The following NRAP variants were observed in gnomAD, a reference collection of about 807,000 sequenced individuals.
The protein encoded by NRAP is nebulin-related-anchoring protein.
NRAP carries 189 observed loss-of-function variants against 225.9 expected under a neutral mutation model. The observed-to-expected ratio is 0.84, with a 90% CI of 0.74 to 0.94. The LOEUF is 0.94. Ranked by LOEUF, NRAP falls within the 40% of genes least tolerant of loss-of-function variation. The pLI is 0.00. For missense variants in NRAP, 2,176 were observed against 2,168.7 expected (o/e 1.00, Z -0.07); for synonymous variants, 769 against 790.7 (o/e 0.97, Z 0.46).
At chr10:113,595,597 G>T in intron 38 of NRAP, 26 bp downstream of exon 38, 2 of 1,443,960 alleles carry the variant, frequency 1.4e-6, no homozygotes, top group Non-Finnish European at 1.9e-6. Flanking sequence ...GTGGGCACAC[G>T]TTCCATGAAC....
At position 113,622,033 on chromosome 10, in the gene NRAP, AT is replaced by A; in HGVS notation, c.2604del (p.Lys868AsnfsTer22). On this transcript the variant is annotated frameshift_variant, in exon 24 of 42. Coordinates refer to ENST00000359988, the MANE Select transcript of NRAP (RefSeq NM_198060.4). LOFTEE classifies it high-confidence loss of function. Reference sequence around the variant, plus strand: ...ATGTCCAGGGAGACGTGGCATTGGGATTTGGTGTCCTCGAATCCCTTCTTGT... The same window carrying A: ...ATGTCCAGGGAGACGTGGCATTGGGATTGGTGTCCTCGAATCCCTTCTTGT... The part of the protein sequence containing the change: ...LEYKKGFEDT[K>X]SQCHVSLDMV... The A allele has an allele frequency of 6.2e-7, 1 of 1,614,164 alleles. No homozygotes were observed. Among genetic ancestry groups the A allele is most frequent in the Non-Finnish European group, 8.5e-7 (1 of 1,180,014 alleles).
intron 37 of NRAP, 37 bp from the exon 38 acceptor site, chr10:113,595,764 G>T: frequency 7.0e-7 from 1 of 1,418,952 alleles, no homozygotes; most frequent in Non-Finnish European, 1.0e-6. Flanking sequence ...ATAGAGAACT[G>T]TGTGGGCTGA....
At chr10:113,623,689 A>C in intron 22 of NRAP, 53 bp from the exon 23 acceptor site, 3 of 1,128,332 alleles carry the variant, frequency 2.7e-6, no homozygotes, top group East Asian at 2.4e-5. Context: ...GAGGGTTCTC[A>C]CGTGAGAGCA....
chr10:113,635,031 G>C (rs1315187163), intron 14 of NRAP, among the ~76,000 whole-genome samples: 1 of 152,180 alleles, frequency 6.6e-6, no homozygotes, highest in Non-Finnish European at 1.5e-5. Flanking sequence ...GTTCAAAAGA[G>C]GAGGAGGCAG....
Position 113,623,575 on chromosome 10 carries a change from G to A in NRAP, c.2411C>T (p.Ser804Phe). 1 of 1,613,910 alleles carries A rather than the reference G, an allele frequency of 6.2e-7. No individual in the cohort carries two copies. The highest frequency in any genetic ancestry group is 8.5e-7 in the Non-Finnish European group (1 of 1,179,852). Residue 804 changes from serine to phenylalanine, a missense_variant, in exon 23 of 42, where the codon TCC (serine) becomes TTC (phenylalanine). By Grantham distance (155) the Ser-to-Phe change is radical. This residue lies in a region of NRAP where 1,708 missense variants were observed against 1,695.5 expected (regional missense o/e 1.01). Transcript: ENST00000359988. The stretch of plus-strand genomic sequence containing the variant: ...GGCTTTGGCTGCCAGGAAGGTCAAG[G>A]AATCAAGACGCAGCTCAAACCCTTT... The part of the protein sequence containing the change: ...KAKGFELRLD[S>F]LTFLAAKAKR...
chr10:113,608,283 A>G (rs1847115519), intron 32 of NRAP, 131 bp downstream of exon 32: 2 of 621,712 alleles, frequency 3.2e-6, no homozygotes. Context: ...GTTCCATATA[A>G]TGACATTCTT....
chr10:113,589,205 T>TC (rs1398747240), intron 41 of NRAP, 126 bp from the exon 42 acceptor site: 3 of 708,542 alleles, frequency 4.2e-6, no homozygotes, highest in Admixed American at 5.6e-5. Flanking sequence ...CCTTTCCTTT[T>TC]CCCCTCTTCT....
At chr10:113,606,807 C>T (rs1846995697) in intron 32 of NRAP, among the ~76,000 whole-genome samples, 1 of 152,130 alleles carries the variant, frequency 6.6e-6, no homozygotes, top group Non-Finnish European at 1.5e-5. Context: ...GTGGCTGATG[C>T]CTATAATCTC....
chr10:113,636,010 C>T (rs539565625), intron 14 of NRAP, among the ~76,000 whole-genome samples: 1 of 152,322 alleles, frequency 6.6e-6, no homozygotes, highest in East Asian at 1.9e-4. Flanking sequence ...TGCCCACGGG[C>T]TCCAGATTGG....
rs567618327 is a variant in NRAP at position 113,593,761 on chromosome 10, ACTCT to A, written c.4537-1464_4537-1461del. On this transcript the variant is annotated intron_variant, in intron 38 of 41. Coordinates refer to ENST00000359988, the MANE Select transcript of NRAP (RefSeq NM_198060.4). ...AGCAAATAGAGTCAAAACCCTGATC[ACTCT>A]CTCTAAGGGGCACACCATGCCTTCC... Among the ~76,000 whole-genome samples the A allele has an allele frequency of 3.3e-3, 496 of 152,146 alleles. 2 individuals are homozygous for A. Among genetic ancestry groups the A allele is most frequent in the Non-Finnish European group, 3.3e-3 (227 of 67,994 alleles).
Position 113,614,916 on chromosome 10 carries a change from G to A in NRAP, c.3109C>T (p.Arg1037Ter), listed in dbSNP as rs868110215. The change falls in exon 28 of 42, where the codon CGA becomes TGA. Residue 1037 changes from arginine (R) to a stop codon, truncating the protein, a stop_gained. Coordinates refer to ENST00000359988, the MANE Select transcript of NRAP (RefSeq NM_198060.4). LOFTEE classifies it high-confidence loss of function. ...AACCTCAGTTTATAGCCACCATCTC[G>A]AAGTTTGCTCCAGGATTCCTTATAA... Reference protein sequence around the residue: ...TRYKESWSKLRDGGYKLRLDA... With the variant: ...TRYKESWSKL The A allele has an allele frequency of 5.6e-6, 9 of 1,611,676 alleles. No individual in the cohort carries two copies. The highest frequency in any genetic ancestry group is 2.7e-5 in the African/African-American group (2 of 74,858).
Position 113,651,876 on chromosome 10 carries a change from A to T in NRAP, c.602T>A (p.Ile201Asn), listed in dbSNP as rs755811182. 15 of 1,613,072 alleles carry T rather than the reference A, an allele frequency of 9.3e-6. No homozygotes were observed. The South Asian group carries it at 1.1e-4, about 12-fold the overall frequency. Residue 201 changes from isoleucine (I) to asparagine (N), a missense_variant, in exon 7 of 42, where the codon ATC becomes AAC. Coordinates refer to ENST00000359988, the MANE Select transcript of NRAP (RefSeq NM_198060.4). The stretch of plus-strand genomic sequence containing the variant: ...ATCCACCACCGTGGAGAACCTGGAG[A>T]TGCGTTCATCATGCCCTCTCTTATA... ...VEYKRGHDER[I>N]SRFSTVVDTP...
chr10:113,643,089 C>CT (rs772172049), intron 11 of NRAP, 51 bp from the exon 12 acceptor site: 17 of 896,068 alleles, frequency 1.9e-5, no homozygotes, highest in Non-Finnish European at 3.0e-5. Flanking sequence ...CGAAGTCACT[C>CT]TTGAAAATGT....
At chr10:113,619,571 C>T (rs192388436) in intron 25 of NRAP, among the ~76,000 whole-genome samples, 2 of 149,090 alleles carry the variant, frequency 1.3e-5, no homozygotes, top group Admixed American at 1.3e-4. Context: ...GAAAAACCAA[C>T]AAGGGTGTCT....
intron 35 of NRAP, among the ~76,000 whole-genome samples, chr10:113,602,637 A>T (rs190918457): frequency 3.5e-4 from 53 of 152,346 alleles, no homozygotes; most frequent in Non-Finnish European, 6.5e-4. Context: ...TCATTACTGC[A>T]ATTAATAATA....
intron 11 of NRAP, among the ~76,000 whole-genome samples, chr10:113,645,235 C>G (rs185835771): frequency 1.2e-4 from 18 of 152,288 alleles, no homozygotes; most frequent in Non-Finnish European, 2.9e-5. Context: ...CAACTAGAAG[C>G]CTGTTGCCTG....
chr10:113,626,282 C>A, intron 20 of NRAP, 137 bp from the exon 21 acceptor site: 2 of 630,732 alleles, frequency 3.2e-6, no homozygotes, highest in East Asian at 2.8e-5. Context: ...GTTGTTCCTG[C>A]AGCTTGAACA....
At position 113,661,019 on chromosome 10, in the gene NRAP, C is replaced by A. The variant is rs544609764; in HGVS notation, c.255+1660G>T. ...AAAGAACTTAGCAGAGTGTTCAGTA[C>A]TCTGTTTAAGTAAGAGCTAGATTCA... On this transcript the variant is annotated intron_variant, in intron 3 of 41. Coordinates refer to ENST00000359988, the MANE Select transcript of NRAP (RefSeq NM_198060.4). 3.9e-5 allele frequency among the ~76,000 whole-genome samples: 6 copies of A among 152,248 alleles called. No individual in the cohort carries two copies. In the South Asian group the frequency reaches 1.2e-3, roughly 32 times the overall value.
rs773307073 is a variant in NRAP at position 113,604,698 on chromosome 10, C to T, written c.4138G>A (p.Asp1380Asn). The T allele has an allele frequency of 3.1e-5, 50 of 1,614,048 alleles. No individual in the cohort carries two copies. Among genetic ancestry groups the T allele is most frequent in the South Asian group, 4.4e-5 (4 of 91,074 alleles). Residue 1380 changes from aspartate to asparagine, a missense_variant, in exon 35 of 42, where the codon GAC becomes AAC. Asp to Asn is a conservative substitution (Grantham distance 23, BLOSUM62 1). Transcript: ENST00000359988. ...AACTTGTGATACTGTGTCCTGTAGT[C>T]GTGGTCGCTGGCCAGAGCCTGGGCA... The part of the protein sequence containing the change: ...KNAQALASDH[D>N]YRTQYHKFTA...
Sources: gnomAD v4.1 joint callset for allele counts (sites outside exome capture counted in the v4.1 genomes callset) on GRCh38, gnomAD v4.1.1 for gene constraint, gnomAD v4.1.1 regional missense constraint, MANE v1.5 for transcripts, NCBI Gene and HGNC (gene_info 2026-07-23, HGNC 2026-07-21) for gene names.